The following NTM variants were observed in gnomAD, a reference collection of about 807,000 sequenced individuals.
NTM encodes the protein neurotrimin, also known as IgLON family member 2.
Under a neutral mutation model 42.1 loss-of-function variants are expected in NTM, and 13 were observed. The ratio of observed to expected loss-of-function variants is 0.31; its 90% confidence interval spans 0.20 to 0.49. The LOEUF is 0.49. NTM is among the 20% of genes least tolerant of loss of function. The probability of loss-of-function intolerance (pLI) is 0.99; values close to 1 mark genes in which losing one functional copy is unlikely to be tolerated. For synonymous variants in NTM, 187 were observed against 179.2 expected, an observed-to-expected ratio of 1.04 and a Z score of -0.35; for missense variants, 373 against 452.8, an observed-to-expected ratio of 0.82 and a Z score of 1.60.
At position 132,000,109 on chromosome 11, in the gene NTM, C is replaced by T. The variant is rs539531307; in HGVS notation, c.167+88461C>T. Among the ~76,000 whole-genome samples the T allele has an allele frequency of 3.3e-3, 510 of 152,286 alleles. 3 individuals are homozygous for T. The highest frequency in any genetic ancestry group is 5.1e-3 in the Non-Finnish European group (345 of 68,018). Reference sequence around the variant, plus strand: ...ATTCAGGTGAGCACAGGCTGACTTCCTGCCTCAGAGCAGCCCTCAGCCCAC... The same window carrying T: ...ATTCAGGTGAGCACAGGCTGACTTCTTGCCTCAGAGCAGCCCTCAGCCCAC... On this transcript the variant is annotated intron_variant, in intron 2 of 8. Transcript: ENST00000683400.
intron 2 of NTM, among the ~76,000 whole-genome samples, chr11:132,059,623 G>A (rs1472687750): frequency 6.6e-6 from 1 of 152,102 alleles, no homozygotes; most frequent in Non-Finnish European, 1.5e-5. Flanking sequence ...CTCAAGCCAA[G>A]CTGATGTCTA....
At chr11:131,789,812 C>T (rs184134141) in intron 1 of NTM, among the ~76,000 whole-genome samples, 7 of 149,668 alleles carry the variant, frequency 4.7e-5, no homozygotes, top group East Asian at 2.0e-4. Flanking sequence ...AAAAATTAGC[C>T]GGGTGTGGTG....
chr11:131,407,575 A>G (rs1361683810), intron 1 of NTM, among the ~76,000 whole-genome samples: 1 of 152,212 alleles, frequency 6.6e-6, no homozygotes, highest in Non-Finnish European at 1.5e-5. Flanking sequence ...AGAGCCACAG[A>G]AAGGCTGAAA....
chr11:132,151,643 A>G (rs896966029), intron 3 of NTM, among the ~76,000 whole-genome samples: 1 of 152,180 alleles, frequency 6.6e-6, no homozygotes, highest in Admixed American at 6.5e-5. Context: ...TGGTAAAATG[A>G]GTTTTCCTAT....
intron 2 of NTM, among the ~76,000 whole-genome samples, chr11:132,054,312 G>A (rs1661181775): frequency 6.7e-6 from 1 of 148,204 alleles, no homozygotes; most frequent in Non-Finnish European, 1.5e-5. Flanking sequence ...GCCAAGCTGT[G>A]TGGACTCCAC....
chr11:131,432,839 C>CTTTTTTTTTTTGTTTTTTTTTTTTTTTTT, intron 1 of NTM, among the ~76,000 whole-genome samples: 1 of 68,694 alleles, frequency 1.5e-5, no homozygotes. Context: ...ATTTAGCATT[C>CTTTTTTTTTTTGTTTTTTTTTTTTTTTTT]TTTTTTTTTT....
intron 1 of NTM, among the ~76,000 whole-genome samples, chr11:131,724,707 C>A (rs114904710): frequency 6.6e-6 from 1 of 152,132 alleles, no homozygotes; most frequent in African/African-American, 2.4e-5. Context: ...AAGAAAGGAA[C>A]GACAAGGCCC....
chr11:131,567,784 T>C (rs1017280310), intron 1 of NTM, among the ~76,000 whole-genome samples: 1 of 152,246 alleles, frequency 6.6e-6, no homozygotes, highest in African/African-American at 2.4e-5. Context: ...CTTGAATCCA[T>C]TCCACTTGCC....
chr11:132,007,374 C>T (rs904041796), intron 2 of NTM, among the ~76,000 whole-genome samples: 3 of 152,226 alleles, frequency 2.0e-5, no homozygotes, highest in African/African-American at 2.4e-5. Flanking sequence ...CCAGCTGATG[C>T]CAGGCTGCAC....
intron 7 of NTM, among the ~76,000 whole-genome samples, chr11:132,324,473 A>G (rs923710275): frequency 1.3e-5 from 2 of 151,144 alleles, no homozygotes; most frequent in Non-Finnish European, 3.0e-5. Context: ...AAGGGATGTG[A>G]AGGACCTCTT....
intron 1 of NTM, among the ~76,000 whole-genome samples, chr11:131,554,154 C>G (rs977682133): frequency 1.1e-4 from 16 of 152,184 alleles, no homozygotes; most frequent in Admixed American, 9.8e-4. Flanking sequence ...TGCTCTTTTG[C>G]TATAATGTGT....
rs939807440 is a variant in NTM, at chr11:132,335,089, G to A, written c.1011G>A (p.Arg337=). 1.9e-6 allele frequency: 3 copies of A among 1,612,486 alleles called. No homozygotes were observed. The highest frequency in any genetic ancestry group is 2.5e-6 in the Non-Finnish European group (3 of 1,179,982). ...AGGTGAGCAACGGCACGTCGAGGAG[G>A]GCAGGCTGCGTCTGGCTGCTGCCTC... ...VSEVSNGTSR[R]AGCVWLLPLL... The change falls in exon 9 of 9, where the codon AGG becomes AGA. Residue 337 remains arginine (R), a synonymous_variant. Coordinates refer to ENST00000683400, the MANE Select transcript of NTM (RefSeq NM_001352005.2).
intron 1 of NTM, among the ~76,000 whole-genome samples, chr11:131,734,194 C>G (rs2080110818): frequency 6.6e-6 from 1 of 152,094 alleles, no homozygotes. Context: ...CCTCATCCCC[C>G]ATCCCTGAAG....
At chr11:131,949,591 C>T (rs11222847) in intron 2 of NTM, among the ~76,000 whole-genome samples, 15,770 of 152,194 alleles carry the variant, frequency 0.1, 1,224 homozygotes, top group East Asian at 0.45. Flanking sequence ...CTTGGGGATT[C>T]GGGGTCTTGT....
chr11:131,607,485 A>G (rs2061072290), intron 1 of NTM, among the ~76,000 whole-genome samples: 1 of 152,232 alleles, frequency 6.6e-6, no homozygotes, highest in East Asian at 1.9e-4. Context: ...AATTAATCCC[A>G]ATCATGACAT....
At chr11:131,400,086 A>ATTAT (rs148379473) in intron 1 of NTM, among the ~76,000 whole-genome samples, 50,973 of 151,834 alleles carry the variant, frequency 0.34, 9,237 homozygotes, top group African/African-American at 0.47. Context: ...ATAATGAAAG[A>ATTAT]GAGATGGATA....
In NTM at chr11:131,914,006, C is replaced by G. The variant is rs147960261; in HGVS notation, c.167+2358C>G. On this transcript the variant is annotated intron_variant, in intron 2 of 8. Transcript: ENST00000683400. ...GGCCTCTCAGGATTGCCCTCCTTCTCAGACTCTGATGCGCTAGAACAAGGA... is the reference window on the plus strand; with the variant it reads ...GGCCTCTCAGGATTGCCCTCCTTCTGAGACTCTGATGCGCTAGAACAAGGA... Among the ~76,000 whole-genome samples, 935 of 152,284 alleles carry G rather than the reference C, an allele frequency of 6.1e-3. 13 individuals are homozygous for G. Among genetic ancestry groups the G allele is most frequent in the African/African-American group, 0.02 (849 of 41,546 alleles).
intron 1 of NTM, among the ~76,000 whole-genome samples, chr11:131,607,792 G>A (rs1405844835): frequency 2.0e-5 from 3 of 152,170 alleles, no homozygotes; most frequent in Non-Finnish European, 2.9e-5. Flanking sequence ...AAACTGGACT[G>A]TAGACTCCAG....
intron 1 of NTM, among the ~76,000 whole-genome samples, chr11:131,563,990 T>G (rs2137023260): frequency 6.6e-6 from 1 of 152,298 alleles, no homozygotes; most frequent in Admixed American, 6.5e-5. Context: ...CTTGTCCTGG[T>G]CCTGCAACCT....
Sources: allele counts gnomAD v4.1 joint callset (sites outside exome capture counted in the v4.1 genomes callset), GRCh38; gene constraint gnomAD v4.1.1; transcripts MANE v1.5; gene names NCBI Gene and HGNC (gene_info 2026-07-23, HGNC 2026-07-21).